The following MACROD1 variants were observed in gnomAD, a reference collection of about 807,000 sequenced individuals.
MACROD1 encodes mono-ADP ribosylhydrolase 1.
MACROD1 carries 31 observed loss-of-function variants against 41.4 expected under a neutral mutation model. The observed-to-expected ratio is 0.75, with a 90% CI of 0.56 to 1.01. The LOEUF is 1.01. Ranked by LOEUF, MACROD1 falls within the 50% of genes least tolerant of loss-of-function variation. MACROD1 has a pLI of 0.00. For synonymous variants in MACROD1, 252 were observed against 203.4 expected, an observed-to-expected ratio of 1.24 and a Z score of -2.03; for missense variants, 473 against 460.0, an observed-to-expected ratio of 1.03 and a Z score of -0.26.
chr11:64,124,171 A>G (rs984263425), intron 3 of MACROD1, among the ~76,000 whole-genome samples: 1 of 152,228 alleles, frequency 6.6e-6, no homozygotes, highest in African/African-American at 2.4e-5. Flanking sequence ...GCACCAAGAA[A>G]GTACAGATAC....
At chr11:64,155,542 AG>A (rs1332626304) in intron 1 of MACROD1, among the ~76,000 whole-genome samples, 34 of 152,214 alleles carry the variant, frequency 2.2e-4, no homozygotes, top group African/African-American at 8.2e-4. Flanking sequence ...TCAAAGGAGA[AG>A]GTGGCTGTGT....
chr11:64,030,541 G>A (rs1481422306), intron 3 of MACROD1, among the ~76,000 whole-genome samples: 1 of 152,176 alleles, frequency 6.6e-6, no homozygotes, highest in Non-Finnish European at 1.5e-5. Context: ...GGACACAGGT[G>A]CCTGTGATTC....
At chr11:64,034,555 G>GCGGCGGCCT (rs1943338618) in intron 3 of MACROD1, among the ~76,000 whole-genome samples, 1 of 152,220 alleles carries the variant, frequency 6.6e-6, no homozygotes, top group Non-Finnish European at 1.5e-5. Context: ...GAGGCCAGAG[G>GCGGCGGCCT]CGGCGGCCTC....
At chr11:64,051,422 T>C (rs1004744702) in intron 3 of MACROD1, among the ~76,000 whole-genome samples, 1 of 152,122 alleles carries the variant, frequency 6.6e-6, no homozygotes, top group African/African-American at 2.4e-5. Context: ...GTGGTGACAG[T>C]GATGGCGGAC....
intron 3 of MACROD1, among the ~76,000 whole-genome samples, chr11:64,066,585 T>C (rs1450766891): frequency 4.0e-5 from 6 of 149,206 alleles, no homozygotes; most frequent in East Asian, 4.0e-4. Context: ...TACCTGTGAA[T>C]AGCCACTGCA....
chr11:64,077,070 G>A (rs1329872224), intron 3 of MACROD1, among the ~76,000 whole-genome samples: 2 of 152,062 alleles, frequency 1.3e-5, no homozygotes, highest in East Asian at 3.9e-4. Flanking sequence ...GGGGTCCACA[G>A]ACCCCAGACC....
At chr11:64,065,715 G>A (rs907666247) in intron 3 of MACROD1, among the ~76,000 whole-genome samples, 1 of 151,250 alleles carries the variant, frequency 6.6e-6, no homozygotes, top group African/African-American at 2.4e-5. Context: ...GTGTGAACCC[G>A]GGAGGCGGAG....
Position 64,146,396 on chromosome 11 carries a change from T to G in MACROD1, c.517+4843A>C, listed in dbSNP as rs913048716. Among the ~76,000 whole-genome samples, 2 of 152,184 alleles carry G rather than the reference T, an allele frequency of 1.3e-5. No homozygotes were observed. Among genetic ancestry groups the G allele is most frequent in the African/African-American group, 4.8e-5 (2 of 41,446 alleles). ...TGCGGGGGCTCCCTGGCTTATCTCC[T>G]GCACATGGCAGCCCAATTTCATTAA... On this transcript the variant is annotated intron_variant, in intron 3 of 10. Transcript: ENST00000255681. This position sits in a 1 kb window ranked among gnomAD's most constrained non-coding sequence, Gnocchi z 4.7.
intron 3 of MACROD1, chr11:64,149,142 G>A: frequency 4.4e-6 from 2 of 450,328 alleles, no homozygotes; most frequent in Non-Finnish European, 5.9e-6. Flanking sequence ...ATGTCCCTCG[G>A]CACCGCTGGG....
At chr11:64,140,616 G>A (rs1356074789) in intron 3 of MACROD1, among the ~76,000 whole-genome samples, 3 of 152,234 alleles carry the variant, frequency 2.0e-5, no homozygotes, top group Non-Finnish European at 2.9e-5. Context: ...ACTAGAGCTG[G>A]CATCTCCTGG....
chr11:64,097,705 G>A lies in MACROD1; in HGVS notation c.517+53534C>T, dbSNP rs563380091. Reference sequence around the variant, plus strand: ...CCGCCTCTTCTCACCCTGCTACTCGGGTGCCATGCAGCGGTGCCAAGCCTG... The same window carrying A: ...CCGCCTCTTCTCACCCTGCTACTCGAGTGCCATGCAGCGGTGCCAAGCCTG... On this transcript the variant is annotated intron_variant, in intron 3 of 10. Coordinates refer to ENST00000255681, the MANE Select transcript of MACROD1 (RefSeq NM_014067.4). Among the ~76,000 whole-genome samples the A allele has an allele frequency of 2.6e-5, 4 of 152,376 alleles. No individual in the cohort carries two copies. The Middle Eastern group carries it at 0.01, about 389-fold the overall frequency.
intron 3 of MACROD1, among the ~76,000 whole-genome samples, chr11:64,047,924 G>A (rs987189418): frequency 2.0e-5 from 3 of 150,562 alleles, no homozygotes. Flanking sequence ...AAGGAAGGAA[G>A]CAGGAAAGCA....
chr11:64,087,592 C>T (rs1451209323), intron 3 of MACROD1, among the ~76,000 whole-genome samples: 2 of 152,210 alleles, frequency 1.3e-5, no homozygotes, highest in Non-Finnish European at 2.9e-5. Flanking sequence ...CAGCTTCACT[C>T]GCTGCAGCCT....
chr11:64,093,416 G>A (rs949770898), intron 3 of MACROD1, among the ~76,000 whole-genome samples: 7 of 152,230 alleles, frequency 4.6e-5, no homozygotes, highest in Admixed American at 1.3e-4. Flanking sequence ...AGTGAGCCGG[G>A]AAGCCAGGCC....
chr11:64,030,916 G>A (rs1026430503), intron 3 of MACROD1, among the ~76,000 whole-genome samples: 1 of 151,890 alleles, frequency 6.6e-6, no homozygotes, highest in African/African-American at 2.4e-5. Context: ...GGTGGGTGGT[G>A]GGGATGTGGG....
In MACROD1 at chr11:64,126,380, G is replaced by A. The variant is rs192341477; in HGVS notation, c.517+24859C>T. ...GACGGAGGGTGGAGTGGTGTGTGGCGTCGAAATAGGCTAGCCAGAGAGAGA... is the reference window on the plus strand; with the variant it reads ...GACGGAGGGTGGAGTGGTGTGTGGCATCGAAATAGGCTAGCCAGAGAGAGA... On this transcript the variant is annotated intron_variant, in intron 3 of 10. Transcript: ENST00000255681. Among the ~76,000 whole-genome samples the A allele has an allele frequency of 1.4e-3, 218 of 152,188 alleles. 1 individual carries two copies. The South Asian group carries it at 0.026, about 18-fold the overall frequency.
At chr11:64,006,768 G>A (rs932521425) in intron 4 of MACROD1, among the ~76,000 whole-genome samples, 2 of 152,118 alleles carry the variant, frequency 1.3e-5, no homozygotes, top group Admixed American at 6.6e-5. Flanking sequence ...GGGGTGGGGC[G>A]GGAAGTGAGG....
Position 64,151,370 on chromosome 11 carries a change from G to A in MACROD1, c.401-15C>T, listed in dbSNP as rs750107088. ...CACAGCCACCCCTGGAACAAGTAGG[G>A]GCCGGGGAGGTCACAGCGAGGCTGC... On this transcript the variant is annotated splice_polypyrimidine_tract_variant and intron_variant, in intron 2 of 10. Transcript: ENST00000255681. 8 of 1,595,884 alleles carry A rather than the reference G, an allele frequency of 5.0e-6. No individual in the cohort carries two copies. The highest frequency in any genetic ancestry group is 3.3e-5 in the South Asian group (3 of 90,754).
chr11:64,054,356 C>T (rs561177062), intron 3 of MACROD1, among the ~76,000 whole-genome samples: 11 of 152,362 alleles, frequency 7.2e-5, no homozygotes, highest in African/African-American at 2.6e-4. Flanking sequence ...GAAGCGGCCA[C>T]TTCTCCAGGA....
Sources: allele counts gnomAD v4.1 joint callset (sites outside exome capture counted in the v4.1 genomes callset), GRCh38; gene constraint gnomAD v4.1.1; non-coding constraint Gnocchi (gnomAD v3.1); transcripts MANE v1.5; gene names NCBI Gene and HGNC (gene_info 2026-07-23, HGNC 2026-07-21).